Variants in ZFHX3 observed in about 807,000 individuals in gnomAD.
ZFHX3 encodes zinc finger homeobox 3.
In ZFHX3, 42 loss-of-function variants were observed where a neutral mutation model predicts 279.1. The observed-to-expected ratio is 0.15, with a 90% CI of 0.12 to 0.19. The LOEUF (loss-of-function observed/expected upper bound fraction) is 0.19, where lower values mean the gene tolerates loss of function less well. ZFHX3 is among the 10% of genes least tolerant of loss of function. The pLI is 1.00. For missense variants in ZFHX3, 4,981 were observed against 4,754.0 expected (o/e 1.05, Z -1.40); for synonymous variants, 2,293 against 1,957.8 (o/e 1.17, Z -4.52).
chr16:73,302,642 A>G (rs544609569), intron 4 of ZFHX3, among the ~76,000 whole-genome samples: 3 of 152,346 alleles, frequency 2.0e-5, no homozygotes, highest in African/African-American at 7.2e-5. Flanking sequence ...GAGGCTGTGA[A>G]AACATTCACT....
intron 2 of ZFHX3, among the ~76,000 whole-genome samples, chr16:73,472,880 C>T: frequency 6.6e-6 from 1 of 152,152 alleles, no homozygotes; most frequent in Admixed American, 6.5e-5. Flanking sequence ...CACCTTGGTC[C>T]ACTGAGGGAT....
intron 1 of ZFHX3, among the ~76,000 whole-genome samples, chr16:73,017,556 C>T (rs746520096): frequency 6.6e-6 from 1 of 152,164 alleles, no homozygotes; most frequent in East Asian, 1.9e-4. Context: ...GCTGCCGTCA[C>T]GACTAAATAA....
intron 2 of ZFHX3, among the ~76,000 whole-genome samples, chr16:73,668,014 G>A (rs2052862737): frequency 6.6e-6 from 1 of 152,174 alleles, no homozygotes. Context: ...AATGGCTTGT[G>A]TTCTATTTAT....
intron 2 of ZFHX3, among the ~76,000 whole-genome samples, chr16:73,581,310 T>A (rs1193890773): frequency 6.6e-6 from 1 of 151,824 alleles, no homozygotes; most frequent in African/African-American, 2.4e-5. Context: ...TGAAATATAT[T>A]AATTCCTTCC....
chr16:73,883,832 C>T (rs1034231541), intron 1 of ZFHX3, among the ~76,000 whole-genome samples: 5 of 152,000 alleles, frequency 3.3e-5, no homozygotes, highest in Admixed American at 2.0e-4. Context: ...CCTCTTACTG[C>T]CAAGGTCTCC....
At chr16:73,778,316 C>T (rs1196448587) in intron 1 of ZFHX3, among the ~76,000 whole-genome samples, 1 of 144,008 alleles carries the variant, frequency 6.9e-6, no homozygotes, top group Admixed American at 7.0e-5. Flanking sequence ...TTTGATGTCA[C>T]TTACCATTTG....
At chr16:73,525,457 C>A (rs1000230983) in intron 2 of ZFHX3, among the ~76,000 whole-genome samples, 2 of 152,100 alleles carry the variant, frequency 1.3e-5, no homozygotes, top group Admixed American at 6.6e-5. Flanking sequence ...GAGGATCTCA[C>A]GGAAAAGAGG....
chr16:73,743,668 T>TAC (rs1411996277), intron 1 of ZFHX3, among the ~76,000 whole-genome samples: 1 of 152,144 alleles, frequency 6.6e-6, no homozygotes, highest in African/African-American at 2.4e-5. Flanking sequence ...CATATATATA[T>TAC]ACAAGAAAAA....
intron 5 of ZFHX3, among the ~76,000 whole-genome samples, chr16:73,194,170 CT>C (rs1481719334): frequency 6.6e-6 from 1 of 152,072 alleles, no homozygotes; most frequent in Non-Finnish European, 1.5e-5. Flanking sequence ...TTAGGAACTT[CT>C]TTTTTATTTT....
At position 73,335,025 on chromosome 16, in the gene ZFHX3, G is replaced by A. The variant is rs549992241; in HGVS notation, c.-1290-16689C>T. Among the ~76,000 whole-genome samples the A allele has an allele frequency of 7.2e-4, 109 of 151,808 alleles. 2 individuals are homozygous for A. The highest frequency in any genetic ancestry group is 2.6e-3 in the African/African-American group (107 of 41,400). On this transcript the variant is annotated intron_variant, in intron 3 of 17. Coordinates refer to the ZFHX3 transcript ENST00000641206. ...AAACATTTAAAGGTAAATTCAATTA[G>A]CAAATGTAGAACCAATTATTAGGTG...
intron 3 of ZFHX3, among the ~76,000 whole-genome samples, chr16:73,328,189 A>G (rs1298612452): frequency 6.6e-6 from 1 of 152,220 alleles, no homozygotes; most frequent in South Asian, 2.1e-4. Context: ...TGTAGTGCGT[A>G]TTATAATCAA....
At position 73,285,662 on chromosome 16, in the gene ZFHX3, G is replaced by T. The variant is rs148639272; in HGVS notation, c.-1193-28526C>A. ...GCCTCGGCTGGTCATGTCCGTCAGG[G>T]AAATATATCCCAAGATGGGCGGAGC... On this transcript the variant is annotated intron_variant, in intron 4 of 17. Coordinates refer to the ZFHX3 transcript ENST00000641206. Among the ~76,000 whole-genome samples, 384 of 152,280 alleles carry T rather than the reference G, an allele frequency of 2.5e-3. 2 individuals carry two copies. Among genetic ancestry groups the T allele is most frequent in the African/African-American group, 4.9e-3 (203 of 41,556 alleles).
chr16:73,743,221 A>C (rs1394230652), intron 1 of ZFHX3, among the ~76,000 whole-genome samples: 1 of 152,194 alleles, frequency 6.6e-6, no homozygotes, highest in African/African-American at 2.4e-5. Flanking sequence ...CTTGCTTGCA[A>C]ATACGACCAA....
intron 3 of ZFHX3, 24 bp downstream of exon 3, chr16:72,950,445 G>T: frequency 6.2e-7 from 1 of 1,603,300 alleles, no homozygotes; most frequent in South Asian, 1.1e-5. Flanking sequence ...AAGAGCGCCT[G>T]AGCCATAAGG....
intron 1 of ZFHX3, among the ~76,000 whole-genome samples, chr16:73,777,508 CAAAAAAAAAAAA>C (rs34744186): frequency 4.8e-5 from 3 of 62,652 alleles, no homozygotes; most frequent in Middle Eastern, 0.017. Context: ...GACTCTGTCT[CAAAAAAAAAAAA>C]AAAAAAAAAA....
At chr16:72,909,026 C>T (rs956378482) in intron 3 of ZFHX3, among the ~76,000 whole-genome samples, 2 of 152,206 alleles carry the variant, frequency 1.3e-5, no homozygotes, top group African/African-American at 2.4e-5. Context: ...GAAGCGGATG[C>T]AGGTTTAGTT....
intron 5 of ZFHX3, among the ~76,000 whole-genome samples, chr16:73,181,774 G>C (rs938430099): frequency 6.6e-6 from 1 of 152,130 alleles, no homozygotes; most frequent in Non-Finnish European, 1.5e-5. Flanking sequence ...GTTCCCGTTA[G>C]GGCTGCTGTG....
At chr16:73,521,737 T>G (rs1399892758) in intron 2 of ZFHX3, among the ~76,000 whole-genome samples, 1 of 152,024 alleles carries the variant, frequency 6.6e-6, no homozygotes, top group African/African-American at 2.4e-5. Context: ...ATAGTAGCAT[T>G]TTAAATTTTA....
Position 73,458,337 on chromosome 16 carries a change from C to T in ZFHX3, c.-1546-2079G>A, listed in dbSNP as rs183932649. Among the ~76,000 whole-genome samples the T allele has an allele frequency of 2.6e-3, 377 of 146,474 alleles. 14 individuals carry two copies. Among genetic ancestry groups the T allele is most frequent in the African/African-American group, 9.2e-3 (363 of 39,356 alleles). ...CCCTTCCTCCCTCACTTCCTCCCTC[C>T]CTTCCTCCCTCCCTTCCTCCTTTCC... On this transcript the variant is annotated intron_variant, in intron 2 of 17. Transcript: ENST00000641206.
Sources: allele counts gnomAD v4.1 joint callset (sites outside exome capture counted in the v4.1 genomes callset), GRCh38; gene constraint gnomAD v4.1.1; transcripts MANE v1.5; gene names NCBI Gene and HGNC (gene_info 2026-07-23, HGNC 2026-07-21).